Variants in RADIL observed in about 807,000 individuals in gnomAD.
RADIL encodes the protein Rap associating with DIL domain.
In RADIL, 99 loss-of-function variants were observed where a neutral mutation model predicts 97.6. The observed-to-expected ratio is 1.01, with a 90% confidence interval of 0.86 to 1.20. The LOEUF (loss-of-function observed/expected upper bound fraction) is 1.20. Ranked by LOEUF, RADIL falls within the 50% of genes most tolerant of loss-of-function variation. The pLI, the probability that RADIL is intolerant of heterozygous loss-of-function variation, is 0.00. For missense variants in RADIL, 1,765 were observed against 1,498.9 expected (o/e 1.18, Z -2.93); for synonymous variants, 803 against 691.8 (o/e 1.16, Z -2.52).
At chr7:4,853,503 G>A (rs1278884506) in intron 2 of RADIL, among the ~76,000 whole-genome samples, 1 of 152,128 alleles carries the variant, frequency 6.6e-6, no homozygotes, top group Non-Finnish European at 1.5e-5. Context: ...AGCACTTTGG[G>A]AGGCCAGGGC....
chr7:4,804,938 T>C (rs1372898792), intron 10 of RADIL, among the ~76,000 whole-genome samples: 1 of 147,660 alleles, frequency 6.8e-6, no homozygotes, highest in Non-Finnish European at 1.5e-5. Context: ...TACTAAAGAT[T>C]CAAAAATTAG....
Position 4,873,350 on chromosome 7 carries a change from C to T in RADIL, c.535+4255G>A, listed in dbSNP as rs1344495460. ...GTACATGGTCACACATGCATGCACA[C>T]ACATGCACACCACACAGACACACAC... On this transcript the variant is annotated intron_variant, in intron 2 of 14. Transcript: ENST00000399583. The surrounding 1 kb of genome is among the most constrained non-coding windows in gnomAD (Gnocchi z 4.3). Among the ~76,000 whole-genome samples, 2 of 152,178 alleles carry T rather than the reference C, an allele frequency of 1.3e-5. No homozygotes were observed. The highest frequency in any genetic ancestry group is 1.5e-5 in the Non-Finnish European group (1 of 68,026).
intron 2 of RADIL, chr7:4,861,834 G>GCACGTCCCCCACCACCACGACCTT: frequency 3.2e-6 from 4 of 1,268,420 alleles, no homozygotes; most frequent in Non-Finnish European, 4.1e-6. Context: ...CCCCGCCAGG[G>GCACGTCCCCCACCACCACGACCTT]CACGTCCCCC....
intron 5 of RADIL, among the ~76,000 whole-genome samples, chr7:4,826,602 G>A (rs145285913): frequency 0.016 from 2,363 of 151,566 alleles, 31 homozygotes; most frequent in Middle Eastern, 0.034. Context: ...GCGTGGTGGC[G>A]CGTGCCTGTA....
intron 2 of RADIL, among the ~76,000 whole-genome samples, chr7:4,868,938 C>A (rs1784191824): frequency 6.6e-6 from 1 of 152,138 alleles, no homozygotes. Context: ...ACCAGCCTGA[C>A]TAACATGGTG....
Position 4,842,011 on chromosome 7 carries a change from C to T in RADIL, c.536-5406G>A, listed in dbSNP as rs1437286608. Among the ~76,000 whole-genome samples, 4 of 151,450 alleles carry T rather than the reference C, an allele frequency of 2.6e-5. No individual in the cohort carries two copies. Among genetic ancestry groups the T allele is most frequent in the Admixed American group, 1.3e-4 (2 of 15,210 alleles). Reference sequence around the variant, plus strand: ...TCGAGGCTGCAGTGAGCTACGATCACGCCACCGCACTCCAGCCTGGGCAAC... The same window carrying T: ...TCGAGGCTGCAGTGAGCTACGATCATGCCACCGCACTCCAGCCTGGGCAAC... On this transcript the variant is annotated intron_variant, in intron 2 of 14. Coordinates refer to ENST00000399583, the MANE Select transcript of RADIL (RefSeq NM_018059.5). This position sits in a 1 kb window ranked among gnomAD's most constrained non-coding sequence, Gnocchi z 4.5.
chr7:4,863,345 T>A (rs547612554), intron 2 of RADIL, among the ~76,000 whole-genome samples: 1 of 152,366 alleles, frequency 6.6e-6, no homozygotes, highest in South Asian at 2.1e-4. Context: ...TAACTAATTA[T>A]TCTAATTCCG....
At chr7:4,846,711 A>T (rs1025411216) in intron 2 of RADIL, among the ~76,000 whole-genome samples, 7 of 151,256 alleles carry the variant, frequency 4.6e-5, no homozygotes, top group Non-Finnish European at 8.8e-5. Context: ...ATGCCTGGCT[A>T]ATTTTCGTAT....
chr7:4,803,790 G>A (rs1420390246), intron 10 of RADIL, 36 bp from the exon 11 acceptor site: 14 of 1,526,206 alleles, frequency 9.2e-6, no homozygotes, highest in Admixed American at 7.8e-5. Flanking sequence ...ATGGCCACAG[G>A]AGAAGCTGCC....
chr7:4,833,925 G>T (rs781475976), intron 4 of RADIL, among the ~76,000 whole-genome samples: 1 of 152,184 alleles, frequency 6.6e-6, no homozygotes, highest in Non-Finnish European at 1.5e-5. Context: ...TTGCGTGTGT[G>T]TGTGTGGCGG....
chr7:4,800,091 C>T, intron 13 of RADIL, 80 bp downstream of exon 13: 5 of 1,463,218 alleles, frequency 3.4e-6, no homozygotes, highest in Non-Finnish European at 4.6e-6. Flanking sequence ...CGTGGCCACG[C>T]AAGCTGCGGC....
chr7:4,802,470 G>A lies in RADIL; in HGVS notation c.2500-475C>T, dbSNP rs564297193. Among the ~76,000 whole-genome samples the A allele has an allele frequency of 1.1e-4, 14 of 123,340 alleles. No individual in the cohort carries two copies. In the South Asian group the frequency reaches 2.1e-3, roughly 19 times the overall value. 80.9% of individuals were successfully genotyped at this position (123,340 alleles called of 152,430 possible). ...CCCCTCCCCGGGCACCTCGGGGCACGCTGGCTGGGGGGCCCCCTCCCCAGG... is the reference window on the plus strand; with the variant it reads ...CCCCTCCCCGGGCACCTCGGGGCACACTGGCTGGGGGGCCCCCTCCCCAGG... On this transcript the variant is annotated intron_variant, in intron 11 of 14. Transcript: ENST00000399583.
chr7:4,878,907 C>T lies in RADIL; in HGVS notation c.-64-704G>A, dbSNP rs1300486321. Among the ~76,000 whole-genome samples the T allele has an allele frequency of 1.3e-5, 2 of 152,230 alleles. No individual in the cohort carries two copies. Among genetic ancestry groups the T allele is most frequent in the Admixed American group, 1.3e-4 (2 of 15,286 alleles). On this transcript the variant is annotated intron_variant, in intron 1 of 14. Coordinates refer to ENST00000399583, the MANE Select transcript of RADIL (RefSeq NM_018059.5). The surrounding 1 kb of genome is among the most constrained non-coding windows in gnomAD (Gnocchi z 4.1). ...CTCGTGTCTCCTACCCCACAGGCTGCGACGTGGGAAATGGGTCACAAACAC... is the reference window on the plus strand; with the variant it reads ...CTCGTGTCTCCTACCCCACAGGCTGTGACGTGGGAAATGGGTCACAAACAC...
In RADIL at chr7:4,813,376, T is replaced by G. The variant is rs1478085678; in HGVS notation, c.2139+1902A>C. Among the ~76,000 whole-genome samples the G allele has an allele frequency of 2.0e-5, 3 of 152,172 alleles. No individual in the cohort carries two copies. Among genetic ancestry groups the G allele is most frequent in the Admixed American group, 6.5e-5 (1 of 15,278 alleles). On this transcript the variant is annotated intron_variant, in intron 9 of 14. Transcript: ENST00000399583. The surrounding 1 kb of genome is among the most constrained non-coding windows in gnomAD (Gnocchi z 5.0). The stretch of plus-strand genomic sequence containing the variant: ...TCTACACTGTGAAGGCACCACAGAT[T>G]CCACTCCCCTTTTCAATGCTTTTGG...
At position 4,819,064 on chromosome 7, in the gene RADIL, C is replaced by G. The variant is rs527397242; in HGVS notation, c.1616-1713G>C. 7.0e-6 allele frequency among the ~76,000 whole-genome samples: 1 copy of G among 142,528 alleles called. No homozygotes were observed. The highest frequency in any genetic ancestry group is 2.2e-4 in the South Asian group (1 of 4,460). 93.5% of individuals were successfully genotyped at this position (142,528 alleles called of 152,430 possible). ...GCCCTGAGACTCCATTTCTCTCTCT[C>G]TCTCTCTCTTTTTTTTTTTTTTTTA... On this transcript the variant is annotated intron_variant, in intron 6 of 14. Coordinates refer to ENST00000399583, the MANE Select transcript of RADIL (RefSeq NM_018059.5). The surrounding 1 kb of genome is among the most constrained non-coding windows in gnomAD (Gnocchi z 5.8).
intron 2 of RADIL, among the ~76,000 whole-genome samples, chr7:4,868,212 G>T (rs28515084): frequency 5.9e-4 from 89 of 152,094 alleles, no homozygotes; most frequent in Admixed American, 1.8e-3. Flanking sequence ...ACAGGCGCCC[G>T]CCACCACACC....
intron 2 of RADIL, among the ~76,000 whole-genome samples, chr7:4,836,923 A>G (rs1462828731): frequency 6.6e-6 from 1 of 152,038 alleles, no homozygotes; most frequent in African/African-American, 2.4e-5. Flanking sequence ...GGGTGACAAG[A>G]GCGAAACTCC....
intron 10 of RADIL, chr7:4,804,140 C>G (rs981926430): frequency 6.5e-6 from 2 of 309,868 alleles, no homozygotes; most frequent in Non-Finnish European, 6.4e-6. Context: ...AGGGCTGGAG[C>G]CGACTGCCTC....
chr7:4,843,496 G>C (rs956048983), intron 2 of RADIL, among the ~76,000 whole-genome samples: 1 of 152,158 alleles, frequency 6.6e-6, no homozygotes, highest in African/African-American at 2.4e-5. Flanking sequence ...GTCCTTGAAA[G>C]AAAATCATTT....
Sources: allele counts gnomAD v4.1 joint callset (sites outside exome capture counted in the v4.1 genomes callset), GRCh38; gene constraint gnomAD v4.1.1; non-coding constraint Gnocchi (gnomAD v3.1); transcripts MANE v1.5; gene names NCBI Gene and HGNC (gene_info 2026-07-23, HGNC 2026-07-21).